Variants in ITIH5 observed in about 807,000 individuals in gnomAD.
ITIH5 encodes the protein inter-alpha-trypsin inhibitor heavy chain 5, also known as inter-alpha-trypsin inhibitor heavy chain H5.
In ITIH5, 65 loss-of-function variants were observed where a neutral mutation model predicts 77.5. The observed-to-expected ratio is 0.84, with a 90% CI of 0.69 to 1.03. The LOEUF (loss-of-function observed/expected upper bound fraction) is 1.03. ITIH5 is among the 50% of genes least tolerant of loss of function. The probability of loss-of-function intolerance (pLI) is 0.00; values close to 1 mark genes in which losing one functional copy is unlikely to be tolerated. For synonymous variants in ITIH5, 525 were observed against 494.3 expected, an observed-to-expected ratio of 1.06 and a Z score of -0.82; for missense variants, 1,208 against 1,213.1, an observed-to-expected ratio of 1.00 and a Z score of 0.06.
chr10:7,635,006 C>G (rs976617595), intron 5 of ITIH5, among the ~76,000 whole-genome samples: 2 of 151,970 alleles, frequency 1.3e-5, no homozygotes, highest in African/African-American at 4.8e-5. Flanking sequence ...ACTATGTTGT[C>G]CAGGCTGGTC....
intron 12 of ITIH5, among the ~76,000 whole-genome samples, chr10:7,568,985 G>A (rs889505053): frequency 1.4e-5 from 2 of 147,844 alleles, no homozygotes; most frequent in African/African-American, 5.0e-5. Flanking sequence ...AATATATTGT[G>A]GTTTTCTTTT....
Position 7,617,150 on chromosome 10 carries a change from T to C in ITIH5, c.785A>G (p.Tyr262Cys). Reference sequence around the variant, plus strand: ...AATGCTCTGTTCTCTATTGACGTCATATCTAATGATAAAGTCTCCCAAAAT... The same window carrying C: ...AATGCTCTGTTCTCTATTGACGTCACATCTAATGATAAAGTCTCCCAAAAT... Reference protein sequence around the residue: ...NGILGDFIIRYDVNREQSIGD... With the variant: ...NGILGDFIIRCDVNREQSIGD... The change falls in exon 6 of 14, where the codon TAT (tyrosine) becomes TGT (cysteine). Residue 262 changes from tyrosine to cysteine, a missense_variant. By Grantham distance (194) the Tyr-to-Cys change is radical (BLOSUM62 -2). Coordinates refer to ENST00000397146, the MANE Select transcript of ITIH5 (RefSeq NM_030569.7). The C allele has an allele frequency of 1.2e-6, 2 of 1,602,076 alleles. No homozygotes were observed. The highest frequency in any genetic ancestry group is 1.7e-6 in the Non-Finnish European group (2 of 1,175,930).
At chr10:7,652,377 A>C (rs186513076) in intron 2 of ITIH5, among the ~76,000 whole-genome samples, 2 of 152,204 alleles carry the variant, frequency 1.3e-5, no homozygotes, top group East Asian at 3.9e-4. Flanking sequence ...CTCCAGAGGC[A>C]AGCAGGAGGC....
chr10:7,583,837 G>T (rs1832618106), intron 8 of ITIH5, among the ~76,000 whole-genome samples: 1 of 152,156 alleles, frequency 6.6e-6, no homozygotes. Flanking sequence ...GCAGGGATTG[G>T]TATCAAGCCC....
At position 7,628,954 on chromosome 10, in the gene ITIH5, C is replaced by CGTGTATCCATGTTGTAGT. The variant is rs1181487095; in HGVS notation, c.652+8273_652+8274insACTACAACATGGATACAC. Reference sequence around the variant, plus strand: ...GTTTTCACATGTGTCCATGTTGTAGCGTGTGTCCGTGTTGTAGCATGTGTC... The same window carrying CGTGTATCCATGTTGTAGT: ...GTTTTCACATGTGTCCATGTTGTAGCGTGTATCCATGTTGTAGTGTGTGTCCGTGTTGTAGCATGTGTC... On this transcript the variant is annotated intron_variant, in intron 5 of 13. Coordinates refer to ENST00000397146, the MANE Select transcript of ITIH5 (RefSeq NM_030569.7). Among the ~76,000 whole-genome samples, 39 of 131,484 alleles carry CGTGTATCCATGTTGTAGT rather than the reference C, an allele frequency of 3.0e-4. 4 individuals carry two copies. Among genetic ancestry groups the CGTGTATCCATGTTGTAGT allele is most frequent in the African/African-American group, 1.0e-3 (37 of 36,944 alleles). The allele number at this position is 131,484 out of a possible 152,430, so 86.3% of individuals were successfully genotyped here. A position where few individuals can be genotyped will look rare whatever the true frequency, so the allele number is the denominator to read the frequency against.
chr10:7,637,046 C>CA lies in ITIH5; in HGVS notation c.652+181dup, dbSNP rs376055852. Among the ~76,000 whole-genome samples the CA allele has an allele frequency of 7.9e-4, 118 of 149,572 alleles. No homozygotes were observed. In the South Asian group the frequency reaches 0.014, roughly 18 times the overall value. ...AGCCTGGCGACAGAGGACTTCGTCT[C>CA]AAAAAAAAAGAAAAAAAGTACCAGT... On this transcript the variant is annotated intron_variant, in intron 5 of 13. Coordinates refer to ENST00000397146, the MANE Select transcript of ITIH5 (RefSeq NM_030569.7).
chr10:7,650,113 G>A (rs1397118767), intron 2 of ITIH5, among the ~76,000 whole-genome samples: 2 of 152,198 alleles, frequency 1.3e-5, no homozygotes, highest in Non-Finnish European at 2.9e-5. Flanking sequence ...CTTTGGGTAT[G>A]ACTCATGTGA....
At chr10:7,575,183 C>T (rs1408385039) in intron 10 of ITIH5, among the ~76,000 whole-genome samples, 1 of 152,206 alleles carries the variant, frequency 6.6e-6, no homozygotes, top group East Asian at 1.9e-4. Flanking sequence ...TTGTGCAAAA[C>T]TCACTGTGTG....
chr10:7,648,119 G>A (rs375631785), intron 2 of ITIH5, among the ~76,000 whole-genome samples: 25 of 151,958 alleles, frequency 1.6e-4, no homozygotes, highest in African/African-American at 5.1e-4. Flanking sequence ...CGGGCATGGT[G>A]GCGGGCACCA....
chr10:7,666,787 C>A lies in ITIH5; in HGVS notation c.90+16G>T, dbSNP rs961878591. On this transcript the variant is annotated intron_variant, in intron 1 of 13. Transcript: ENST00000397146. ...GCGGCCGCGCCCGGGACCCGGCTCC[C>A]CTCGGCTCCACTTACCTGCTCCGAA... 2 of 1,597,540 alleles carry A rather than the reference C, an allele frequency of 1.3e-6. No individual in the cohort carries two copies. The highest frequency in any genetic ancestry group is 8.5e-7 in the Non-Finnish European group (1 of 1,171,996).
intron 13 of ITIH5, 138 bp from the exon 14 acceptor site, chr10:7,563,522 G>C: frequency 1.4e-6 from 1 of 713,382 alleles, no homozygotes; most frequent in East Asian, 2.7e-5. Flanking sequence ...TGACATGGAA[G>C]AACATGTGCT....
At chr10:7,608,136 C>G (rs1421095991) in intron 7 of ITIH5, among the ~76,000 whole-genome samples, 4 of 152,230 alleles carry the variant, frequency 2.6e-5, no homozygotes, top group African/African-American at 7.2e-5. Context: ...CTCCTGCTTT[C>G]TGAGCGCCTT....
chr10:7,614,262 C>T (rs183067664), intron 7 of ITIH5, among the ~76,000 whole-genome samples: 4 of 152,266 alleles, frequency 2.6e-5, no homozygotes, highest in Non-Finnish European at 4.4e-5. Flanking sequence ...TGGCAGGTTG[C>T]GCTCTGGACG....
intron 7 of ITIH5, among the ~76,000 whole-genome samples, chr10:7,605,088 C>T (rs762623627): frequency 6.6e-6 from 1 of 152,068 alleles, no homozygotes; most frequent in South Asian, 2.1e-4. Context: ...TCCCAAAGTG[C>T]TGGGATTACA....
intron 1 of ITIH5, among the ~76,000 whole-genome samples, chr10:7,656,162 T>C (rs779638377): frequency 1.3e-5 from 2 of 152,192 alleles, no homozygotes; most frequent in Non-Finnish European, 2.9e-5. Flanking sequence ...ATGGTGTCTT[T>C]TCTGGATGAT....
At chr10:7,564,406 A>C (rs1832099401) in intron 13 of ITIH5, among the ~76,000 whole-genome samples, 1 of 152,226 alleles carries the variant, frequency 6.6e-6, no homozygotes, top group Non-Finnish European at 1.5e-5. Context: ...TCAATGATGG[A>C]CTGAAAATAT....
intron 3 of ITIH5, 134 bp from the exon 4 acceptor site, chr10:7,640,989 C>T: frequency 2.8e-6 from 2 of 723,244 alleles, no homozygotes; most frequent in Non-Finnish European, 4.9e-6. Context: ...GCATTCCAGA[C>T]TAGGGCACTA....
intron 5 of ITIH5, among the ~76,000 whole-genome samples, chr10:7,624,306 G>A (rs182988776): frequency 2.6e-4 from 37 of 144,978 alleles, no homozygotes; most frequent in African/African-American, 8.5e-4. Context: ...TGGGGAGGTC[G>A]AGACCAGCCT....
At chr10:7,656,774 C>T (rs1401450586) in intron 1 of ITIH5, among the ~76,000 whole-genome samples, 4 of 142,468 alleles carry the variant, frequency 2.8e-5, no homozygotes, top group African/African-American at 1.1e-4. Context: ...GAGACGGTCT[C>T]GCTCTGTTGC....
Sources: allele counts gnomAD v4.1 joint callset (sites outside exome capture counted in the v4.1 genomes callset), GRCh38; gene constraint gnomAD v4.1.1; transcripts MANE v1.5; gene names NCBI Gene and HGNC (gene_info 2026-07-23, HGNC 2026-07-21).